Variants in TRIM2 observed in about 807,000 individuals in gnomAD.
The protein encoded by TRIM2 is tripartite motif-containing protein 2.
A neutral mutation model predicts 75.2 loss-of-function variants in TRIM2; 20 were observed. The ratio of observed to expected loss-of-function variants is 0.27; its 90% CI spans 0.19 to 0.39. The LOEUF (loss-of-function observed/expected upper bound fraction) is 0.39. Among genes scored for constraint, TRIM2 ranks in the 10% least tolerant of loss-of-function variants. The pLI is 1.00. For synonymous variants in TRIM2, 373 were observed against 388.3 expected (o/e 0.96, Z 0.46); for missense variants, 660 against 990.8 (o/e 0.67, Z 4.48).
intron 1 of TRIM2, among the ~76,000 whole-genome samples, chr4:153,192,084 C>G (rs1733249043): frequency 1.3e-5 from 2 of 152,150 alleles, no homozygotes; most frequent in South Asian, 4.1e-4. Flanking sequence ...TCTAATTGGT[C>G]AGTCTTTTAG....
At chr4:153,260,724 A>ACACACACACACACAT (rs528342465) in intron 1 of TRIM2, among the ~76,000 whole-genome samples, 1 of 112,658 alleles carries the variant, frequency 8.9e-6, no homozygotes, top group African/African-American at 3.1e-5. Flanking sequence ...ACACACACAC[A>ACACACACACACACAT]CATCATCATC....
intron 1 of TRIM2, among the ~76,000 whole-genome samples, chr4:153,216,212 A>G (rs2149730453): frequency 6.6e-6 from 1 of 152,320 alleles, no homozygotes; most frequent in Non-Finnish European, 1.5e-5. Context: ...ATCCCTGGAG[A>G]CTAAGAAACA....
chr4:153,283,861 C>CTTTTTTT (rs71598257), intron 3 of TRIM2, among the ~76,000 whole-genome samples: 4 of 53,276 alleles, frequency 7.5e-5, no homozygotes, highest in African/African-American at 2.6e-4. Flanking sequence ...TGGCCTTGAT[C>CTTTTTTT]TTTTTTTTTT....
intron 6 of TRIM2, among the ~76,000 whole-genome samples, chr4:153,308,984 A>G (rs983210821): frequency 3.3e-5 from 5 of 152,172 alleles, no homozygotes; most frequent in African/African-American, 4.8e-5. Flanking sequence ...CTCTTCTTGC[A>G]TTTCAAGTGG....
chr4:153,221,981 AGGAAGGG>A (rs1740472741), intron 1 of TRIM2, among the ~76,000 whole-genome samples: 1 of 54,820 alleles, frequency 1.8e-5, no homozygotes, highest in African/African-American at 6.0e-5. Flanking sequence ...GGAGGAAGGA[AGGAAGGG>A]AGAGAGGAAG....
chr4:153,317,767 A>G (rs1177162844), intron 8 of TRIM2, among the ~76,000 whole-genome samples: 1 of 152,126 alleles, frequency 6.6e-6, no homozygotes, highest in Non-Finnish European at 1.5e-5. Flanking sequence ...GTTCAAGACC[A>G]GCCTGGGAAA....
intron 1 of TRIM2, among the ~76,000 whole-genome samples, chr4:153,258,751 A>G (rs1173567848): frequency 6.6e-6 from 1 of 152,216 alleles, no homozygotes; most frequent in Non-Finnish European, 1.5e-5. Flanking sequence ...AGAAGGTTTT[A>G]AACTCCAGTT....
intron 6 of TRIM2, among the ~76,000 whole-genome samples, chr4:153,298,030 G>A (rs904696696): frequency 4.6e-5 from 7 of 152,130 alleles, no homozygotes; most frequent in Non-Finnish European, 1.0e-4. Flanking sequence ...GGAGTTTCCT[G>A]TGCTCAAACT....
intron 1 of TRIM2, among the ~76,000 whole-genome samples, chr4:153,170,699 C>T (rs1730763447): frequency 6.6e-6 from 1 of 152,120 alleles, no homozygotes; most frequent in Non-Finnish European, 1.5e-5. Context: ...CTCAGAGGCC[C>T]TGTATATGAT....
At chr4:153,214,813 A>G (rs1738040505) in intron 1 of TRIM2, among the ~76,000 whole-genome samples, 1 of 152,206 alleles carries the variant, frequency 6.6e-6, no homozygotes, top group Non-Finnish European at 1.5e-5. Context: ...TGTTTTGACA[A>G]GCATACTAGG....
At chr4:153,179,751 G>C (rs7676369) in intron 1 of TRIM2, among the ~76,000 whole-genome samples, 24,767 of 152,002 alleles carry the variant, frequency 0.16, 2,316 homozygotes, top group Admixed American at 0.23. Context: ...TTTTTAAAGG[G>C]GTGTTTAGAA....
rs549779226 is a variant in TRIM2, at chr4:153,335,647, A to G, written c.*681A>G. 1.0e-6 allele frequency: 1 copy of G among 985,436 alleles called. No homozygotes were observed. Among genetic ancestry groups the G allele is most frequent in the East Asian group, 1.1e-4 (1 of 8,824 alleles). The allele number at this position is 985,436 out of a possible 1,614,324, so 61.0% of individuals were successfully genotyped here. On this transcript the variant is annotated 3_prime_UTR_variant, in exon 12 of 12. Transcript: ENST00000338700. ...CCACCCCTTTGGCTCACCTTGTATC[A>G]GCAAACAAAGTACTTCTTCAGGGAA... is the stretch of plus-strand genomic sequence containing the variant.
chr4:153,261,866 C>T (rs1753664759), intron 1 of TRIM2, among the ~76,000 whole-genome samples: 1 of 152,170 alleles, frequency 6.6e-6, no homozygotes, highest in Non-Finnish European at 1.5e-5. Context: ...TCAGCTTCTC[C>T]TATCAAGTTC....
chr4:153,310,169 A>T (rs1765937944), intron 6 of TRIM2: 1 of 152,240 alleles, frequency 6.6e-6, no homozygotes, highest in South Asian at 2.1e-4. Context: ...TGTTAAATTG[A>T]TTATAATTAC....
In TRIM2 at chr4:153,236,713, C is replaced by T. The variant is rs116891673; in HGVS notation, c.30+32153C>T. Reference sequence around the variant, plus strand: ...TCCTTTCTTTTCTTTTCTCTTGAGACAGGGTCTCACTCTTGTCACCTTGGC... The same window carrying T: ...TCCTTTCTTTTCTTTTCTCTTGAGATAGGGTCTCACTCTTGTCACCTTGGC... On this transcript the variant is annotated intron_variant, in intron 1 of 11. Coordinates refer to ENST00000338700, the MANE Select transcript of TRIM2 (RefSeq NM_015271.5). 1.5e-3 allele frequency among the ~76,000 whole-genome samples: 213 copies of T among 140,006 alleles called. 3 individuals carry two copies. In the East Asian group the frequency reaches 0.032, roughly 21 times the overall value. The allele number at this position is 140,006 out of a possible 152,430, so 91.8% of individuals were successfully genotyped here.
intron 1 of TRIM2, among the ~76,000 whole-genome samples, chr4:153,229,514 T>C (rs1057034656): frequency 6.6e-6 from 1 of 152,200 alleles, no homozygotes; most frequent in Admixed American, 6.5e-5. Context: ...TGCCTCGGCC[T>C]CCCAAAGTGC....
intron 2 of TRIM2, among the ~76,000 whole-genome samples, chr4:153,274,224 A>G (rs1289137611): frequency 6.6e-6 from 1 of 152,188 alleles, no homozygotes; most frequent in Non-Finnish European, 1.5e-5. Context: ...TGCAATGTGG[A>G]TAATTGTTAG....
At chr4:153,181,093 AAGAG>A (rs1310472737) in intron 1 of TRIM2, among the ~76,000 whole-genome samples, 3 of 152,328 alleles carry the variant, frequency 2.0e-5, no homozygotes, top group Middle Eastern at 3.4e-3. Context: ...TAATGATAAA[AAGAG>A]AGAACTCTCA....
In TRIM2 at chr4:153,336,712, T is replaced by C. The variant is rs1772495168; in HGVS notation, c.*1746T>C. 3 of 985,012 alleles carry C rather than the reference T, an allele frequency of 3.0e-6. No homozygotes were observed. The highest frequency in any genetic ancestry group is 9.4e-5 in the South Asian group (2 of 21,288). 61.0% of individuals were successfully genotyped at this position (985,012 alleles called of 1,614,324 possible). On this transcript the variant is annotated 3_prime_UTR_variant, in exon 12 of 12. Coordinates refer to ENST00000338700, the MANE Select transcript of TRIM2 (RefSeq NM_015271.5). ...ATTTATAATTCAGTCATTCTCTATA[T>C]AGGACTTCTTAAAATTTAGAAGGGA...
Sources: gnomAD v4.1 joint callset for allele counts (sites outside exome capture counted in the v4.1 genomes callset) on GRCh38, gnomAD v4.1.1 for gene constraint, MANE v1.5 for transcripts, NCBI Gene and HGNC (gene_info 2026-07-23, HGNC 2026-07-21) for gene names.